LYZL2: variants seen among roughly 807,000 people sequenced by gnomAD.
The protein encoded by LYZL2 is lysozyme like 2, also known as lysozyme-like protein 2.
LYZL2 carries 13 observed loss-of-function variants against 17.1 expected under a neutral mutation model. That is an observed-to-expected ratio of 0.76 (90% CI 0.49 to 1.21). The LOEUF (loss-of-function observed/expected upper bound fraction) is 1.21. Ranked by LOEUF, LYZL2 falls within the 50% of genes most tolerant of loss-of-function variation. The probability of loss-of-function intolerance (pLI) is 0.00; values close to 1 mark genes in which losing one functional copy is unlikely to be tolerated. For missense variants in LYZL2, 166 were observed against 189.2 expected, an observed-to-expected ratio of 0.88 and a Z score of 0.72; for synonymous variants, 63 against 74.4, an observed-to-expected ratio of 0.85 and a Z score of 0.79.
chr10:30,608,088 G>A (rs928014724), downstream of LYZL2, among the ~76,000 whole-genome samples: 17 of 152,170 alleles, frequency 1.1e-4, no homozygotes, highest in African/African-American at 1.9e-4. Context: ...GACCACAGGC[G>A]TGTACCACCA....
intron 1 of LYZL2, among the ~76,000 whole-genome samples, chr10:30,627,764 C>T (rs1378478098): frequency 1.5e-4 from 23 of 152,104 alleles, no homozygotes; most frequent in Admixed American, 1.5e-3. Context: ...CATTGGCACC[C>T]CGACCCCTAC....
chr10:30,619,087 C>T (rs1239866192), intron 3 of LYZL2, among the ~76,000 whole-genome samples: 1 of 152,254 alleles, frequency 6.6e-6, no homozygotes, highest in Non-Finnish European at 1.5e-5. Flanking sequence ...TGCTCATCAT[C>T]ACTGGCCATC....
rs45574239 is a variant in LYZL2 at position 30,612,728 on chromosome 10, G to A, written c.377+94C>T. ...CCTTCCATTGGTTGGACCACTCTGC[G>A]GAGGTGAGTTTGTCAATTCCACCAT... is the stretch of plus-strand genomic sequence containing the variant. On this transcript the variant is annotated intron_variant, in intron 4 of 4. Coordinates refer to ENST00000647634, the MANE Select transcript of LYZL2 (RefSeq NM_183058.3). 149 of 925,232 alleles carry A rather than the reference G, an allele frequency of 1.6e-4. No individual in the cohort carries two copies. In the East Asian group the frequency reaches 1.7e-3, roughly 10 times the overall value. 57.3% of individuals were successfully genotyped at this position (925,232 alleles called of 1,614,324 possible).
intron 3 of LYZL2, among the ~76,000 whole-genome samples, chr10:30,616,428 T>C (rs1838528665): frequency 6.6e-6 from 1 of 152,252 alleles, no homozygotes; most frequent in South Asian, 2.1e-4. Flanking sequence ...CTCACGCCTA[T>C]AATCCCAGCA....
intron 1 of LYZL2, among the ~76,000 whole-genome samples, chr10:30,628,076 C>A (rs1317927734): frequency 6.6e-6 from 1 of 151,998 alleles, no homozygotes; most frequent in Non-Finnish European, 1.5e-5. Context: ...AGGAGAATGG[C>A]GTGAACCCAG....
downstream of LYZL2, among the ~76,000 whole-genome samples, chr10:30,609,691 A>G (rs1213677430): frequency 6.6e-6 from 1 of 152,200 alleles, no homozygotes. Flanking sequence ...CCATGGGGAG[A>G]AAATGAAAAT....
intron 1 of LYZL2, among the ~76,000 whole-genome samples, chr10:30,629,287 G>A (rs1428629261): frequency 1.3e-5 from 2 of 152,032 alleles, no homozygotes; most frequent in African/African-American, 4.8e-5. Context: ...CCACCTGTTT[G>A]GGAGGCTGAG....
chr10:30,626,929 C>T lies in LYZL2; in HGVS notation c.-14G>A, dbSNP rs145374155. ...CGCAGCCTTCATCCTCAAAGCCTGCCGGAGACAGAACCTGCCAAAGAGCCG... is the reference window on the plus strand; with the variant it reads ...CGCAGCCTTCATCCTCAAAGCCTGCTGGAGACAGAACCTGCCAAAGAGCCG... On this transcript the variant is annotated 5_prime_UTR_variant, in exon 2 of 5. Transcript: ENST00000647634. 449 of 1,612,584 alleles carry T rather than the reference C, an allele frequency of 2.8e-4. No individual in the cohort carries two copies. The highest frequency in any genetic ancestry group is 1.6e-3 in the Admixed American group (96 of 59,850).
At chr10:30,620,129 G>A (rs1200529888) in intron 3 of LYZL2, among the ~76,000 whole-genome samples, 5 of 152,174 alleles carry the variant, frequency 3.3e-5, no homozygotes, top group South Asian at 4.1e-4. Context: ...AAACTGCAGC[G>A]TGAGGCCACT....
At chr10:30,607,580 T>C (rs1053687736), downstream of LYZL2, among the ~76,000 whole-genome samples, 1 of 152,176 alleles carries the variant, frequency 6.6e-6, no homozygotes, top group African/African-American at 2.4e-5. Context: ...TCCGTTTCCC[T>C]GAACTTGTGG....
chr10:30,628,667 CTCTAG>C (rs1838758512), intron 1 of LYZL2, among the ~76,000 whole-genome samples: 1 of 152,180 alleles, frequency 6.6e-6, no homozygotes, highest in African/African-American at 2.4e-5. Context: ...CTGGAAACTT[CTCTAG>C]TCATTAGTTT....
At chr10:30,623,358 G>T (rs1838654798) in intron 3 of LYZL2, among the ~76,000 whole-genome samples, 1 of 152,068 alleles carries the variant, frequency 6.6e-6, no homozygotes, top group East Asian at 1.9e-4. Flanking sequence ...GTAAAACAAG[G>T]TTAAAGAAAT....
downstream of LYZL2, among the ~76,000 whole-genome samples, chr10:30,607,473 C>T (rs1838390644): frequency 6.6e-6 from 1 of 152,114 alleles, no homozygotes; most frequent in Non-Finnish European, 1.5e-5. Context: ...AGCTTCTGCC[C>T]TTGTGCTTCC....
chr10:30,626,355 C>A, intron 2 of LYZL2, 92 bp from the exon 3 acceptor site: 1 of 1,551,530 alleles, frequency 6.4e-7, no homozygotes. Flanking sequence ...TCCCTGTTAC[C>A]TGACTGCTTC....
chr10:30,617,280 A>T (rs1268493061), intron 3 of LYZL2, among the ~76,000 whole-genome samples: 2 of 152,188 alleles, frequency 1.3e-5, no homozygotes, highest in Admixed American at 6.5e-5. Flanking sequence ...CAGGAAGCAG[A>T]CACCGCGTAA....
intron 3 of LYZL2, 80 bp from the exon 4 acceptor site, chr10:30,612,980 C>G: frequency 8.8e-7 from 1 of 1,130,362 alleles, no homozygotes; most frequent in Non-Finnish European, 1.3e-6. Flanking sequence ...CTTCATTTTT[C>G]TCAGTCTTTT....
intron 3 of LYZL2, among the ~76,000 whole-genome samples, chr10:30,616,984 T>A (rs1838537873): frequency 1.3e-5 from 2 of 152,222 alleles, no homozygotes; most frequent in Admixed American, 1.3e-4. Context: ...TATGTTCAAA[T>A]TACTTAGAGA....
intron 3 of LYZL2, among the ~76,000 whole-genome samples, chr10:30,619,973 G>T (rs374388458): frequency 2.0e-5 from 3 of 152,084 alleles, no homozygotes; most frequent in Admixed American, 6.6e-5. Flanking sequence ...GCAATTTTCT[G>T]TTTGGCACAG....
At chr10:30,628,205 A>C (rs1366022776) in intron 1 of LYZL2, among the ~76,000 whole-genome samples, 2 of 152,262 alleles carry the variant, frequency 1.3e-5, no homozygotes, top group East Asian at 3.9e-4. Context: ...AAGGGTGAAG[A>C]TTAAGCACCT....
Sources: allele counts gnomAD v4.1 joint callset (sites outside exome capture counted in the v4.1 genomes callset), GRCh38; gene constraint gnomAD v4.1.1; transcripts MANE v1.5; gene names NCBI Gene and HGNC (gene_info 2026-07-23, HGNC 2026-07-21).